Variants in SDK2 observed in about 807,000 individuals in gnomAD.
The protein encoded by SDK2 is sidekick cell adhesion molecule 2.
In SDK2, 105 loss-of-function variants were observed where a neutral mutation model predicts 253.9. The ratio of observed to expected loss-of-function variants is 0.41; its 90% CI spans 0.35 to 0.49. The LOEUF (loss-of-function observed/expected upper bound fraction) is 0.49. Among genes scored for constraint, SDK2 ranks in the 20% least tolerant of loss-of-function variants. The pLI, the probability that SDK2 is intolerant of heterozygous loss-of-function variation, is 0.06. For synonymous variants in SDK2, 1,249 were observed against 1,234.9 expected, an observed-to-expected ratio of 1.01 and a Z score of -0.24; for missense variants, 2,608 against 3,003.0, an observed-to-expected ratio of 0.87 and a Z score of 3.07.
intron 1 of SDK2, among the ~76,000 whole-genome samples, chr17:73,555,395 G>A (rs893229818): frequency 2.6e-5 from 4 of 152,214 alleles, no homozygotes; most frequent in African/African-American, 9.6e-5. Flanking sequence ...TGGCCTGGGG[G>A]AGGCGCCATT....
Position 73,629,792 on chromosome 17 carries a change from T to C in SDK2, c.64+14233A>G, listed in dbSNP as rs2046246335. On this transcript the variant is annotated intron_variant, in intron 1 of 44. Transcript: ENST00000392650. This position sits in a 1 kb window ranked among gnomAD's most constrained non-coding sequence, Gnocchi z 5.0. ...CACTTAGTATACAGATGGTGCTTAG[T>C]AAGTGCATGAGAAGCAAAAGAGGTT... is the stretch of plus-strand genomic sequence containing the variant. Among the ~76,000 whole-genome samples, 1 of 152,166 alleles carries C rather than the reference T, an allele frequency of 6.6e-6. No homozygotes were observed. Among genetic ancestry groups the C allele is most frequent in the Non-Finnish European group, 1.5e-5 (1 of 68,040 alleles).
At chr17:73,378,408 A>G (rs2062801651) in intron 36 of SDK2, among the ~76,000 whole-genome samples, 1 of 150,166 alleles carries the variant, frequency 6.7e-6, no homozygotes, top group Non-Finnish European at 1.5e-5. Flanking sequence ...AGCCCTAGAA[A>G]TGATTTTTAA....
chr17:73,630,527 C>T (rs59916138), intron 1 of SDK2, among the ~76,000 whole-genome samples: 3,528 of 145,138 alleles, frequency 0.024, 118 homozygotes, highest in African/African-American at 0.083. Flanking sequence ...GCCTAAGTGT[C>T]GTCCCTCTCT....
rs186203685 is a variant in SDK2 at position 73,395,400 on chromosome 17, G to A, written c.3355-8C>T. The A allele has an allele frequency of 3.6e-4, 574 of 1,610,832 alleles. 4 individuals carry two copies. In the Middle Eastern group the frequency reaches 3.8e-3, roughly 11 times the overall value. On this transcript the variant is annotated splice_polypyrimidine_tract_variant and splice_region_variant and intron_variant, in intron 24 of 44. Coordinates refer to ENST00000392650, the MANE Select transcript of SDK2 (RefSeq NM_001144952.2). The surrounding 1 kb of genome is among the most constrained non-coding windows in gnomAD (Gnocchi z 4.3). Reference sequence around the variant, plus strand: ...TTCCATCTCCGGGAGAGGCTGCAGCGGGGCAGGGGTGGCAAAGCTGCTATG... The same window carrying A: ...TTCCATCTCCGGGAGAGGCTGCAGCAGGGCAGGGGTGGCAAAGCTGCTATG...
chr17:73,611,148 G>C (rs953622635), intron 1 of SDK2, among the ~76,000 whole-genome samples: 7 of 152,224 alleles, frequency 4.6e-5, no homozygotes, highest in Non-Finnish European at 7.4e-5. Context: ...GGCTCACACA[G>C]CTCTGAGGGT....
At chr17:73,552,188 C>T (rs1567838619) in intron 1 of SDK2, among the ~76,000 whole-genome samples, 1 of 152,080 alleles carries the variant, frequency 6.6e-6, no homozygotes, top group Non-Finnish European at 1.5e-5. Flanking sequence ...AAAGAGAAAG[C>T]GAAACTCTCG....
chr17:73,498,716 A>C (rs763291890), intron 2 of SDK2, among the ~76,000 whole-genome samples: 1 of 152,216 alleles, frequency 6.6e-6, no homozygotes, highest in Non-Finnish European at 1.5e-5. Context: ...GAAGAACCGA[A>C]GTAAAAGTCG....
chr17:73,353,777 T>C (rs2346016), intron 40 of SDK2, among the ~76,000 whole-genome samples: 133,180 of 146,868 alleles, frequency 0.91, 61,828 homozygotes, highest in Non-Finnish European at 1. Flanking sequence ...CATCTCAGCT[T>C]ACCACAACCT....
chr17:73,415,741 G>T, intron 17 of SDK2, 70 bp downstream of exon 17: 1 of 1,354,250 alleles, frequency 7.4e-7, no homozygotes, highest in Non-Finnish European at 1.0e-6. Context: ...CTCCCGTCTT[G>T]GCGTCCCAAA....
At position 73,393,726 on chromosome 17, in the gene SDK2, C is replaced by T. The variant is rs770526832; in HGVS notation, c.3732G>A (p.Ser1244=). 69 of 1,582,532 alleles carry T rather than the reference C, an allele frequency of 4.4e-5. 2 individuals carry two copies. The highest frequency in any genetic ancestry group is 1.8e-4 in the South Asian group (16 of 87,376). ...GYKVMYKEKD[S]DTQPRFWLVE... is the part of the protein sequence containing the mutation. The stretch of plus-strand genomic sequence containing the variant: ...CCAGCCAGAATCGGGGCTGGGTGTC[C>T]GAGTCCTTCTCCTTATACATCACCT... The change falls in exon 27 of 45, where the codon TCG becomes TCA. Residue 1244 remains serine, a synonymous_variant. Coordinates refer to ENST00000392650, the MANE Select transcript of SDK2 (RefSeq NM_001144952.2).
chr17:73,564,588 G>A (rs2045284140), intron 1 of SDK2, among the ~76,000 whole-genome samples: 1 of 152,172 alleles, frequency 6.6e-6, no homozygotes, highest in Admixed American at 6.5e-5. Context: ...ACTTTGGGAG[G>A]TCGAGACAGG....
intron 40 of SDK2, chr17:73,357,708 C>T (rs970652693): frequency 2.1e-5 from 7 of 331,504 alleles, no homozygotes; most frequent in Non-Finnish European, 2.8e-5. Context: ...GACAGGGCTT[C>T]GAGAGGCAGC....
Position 73,627,687 on chromosome 17 carries a change from C to T in SDK2, c.64+16338G>A, listed in dbSNP as rs369064805. ...AGTAATTCCATTGCTGGGTCAGCCACGTTCCCAAATCGTACATCAGACAAT... is the reference window on the plus strand; with the variant it reads ...AGTAATTCCATTGCTGGGTCAGCCATGTTCCCAAATCGTACATCAGACAAT... On this transcript the variant is annotated intron_variant, in intron 1 of 44. Transcript: ENST00000392650. Among the ~76,000 whole-genome samples, 53 of 152,328 alleles carry T rather than the reference C, an allele frequency of 3.5e-4. No homozygotes were observed. In the South Asian group the frequency reaches 9.9e-3, roughly 29 times the overall value.
At chr17:73,427,643 A>G in intron 12 of SDK2, among the ~76,000 whole-genome samples, 1 of 9,426 alleles carries the variant, frequency 1.1e-4, no homozygotes. Context: ...ATCCACATGC[A>G]AAAAAAAAAA....
Position 73,450,618 on chromosome 17 carries a change from C to T in SDK2, c.480-2870G>A, listed in dbSNP as rs144168443. On this transcript the variant is annotated intron_variant, in intron 4 of 44. Coordinates refer to ENST00000392650, the MANE Select transcript of SDK2 (RefSeq NM_001144952.2). ...CTTTTGGTCTCCAAGAAGGCTCCCA[C>T]CTCCAATTTCATCTCTTTCTTGATC... 2.6e-5 allele frequency among the ~76,000 whole-genome samples: 4 copies of T among 152,330 alleles called. No individual in the cohort carries two copies. In the East Asian group the frequency reaches 7.7e-4, roughly 29 times the overall value.
At chr17:73,578,208 C>A (rs1196652214) in intron 1 of SDK2, among the ~76,000 whole-genome samples, 1 of 152,054 alleles carries the variant, frequency 6.6e-6, no homozygotes, top group Non-Finnish European at 1.5e-5. Flanking sequence ...TACAGGCACA[C>A]ACCACCATAC....
rs893349535 is a variant in SDK2 at position 73,496,854 on chromosome 17, C to T, written c.224+10584G>A. ...CCCATCCTCCCCCTCCTGAAGGTCACCAGACTTCTATGTCCCTAAATTGAG... is the reference window on the plus strand; with the variant it reads ...CCCATCCTCCCCCTCCTGAAGGTCATCAGACTTCTATGTCCCTAAATTGAG... On this transcript the variant is annotated intron_variant, in intron 2 of 44. Coordinates refer to ENST00000392650, the MANE Select transcript of SDK2 (RefSeq NM_001144952.2). This position sits in a 1 kb window ranked among gnomAD's most constrained non-coding sequence, Gnocchi z 4.7. 5.9e-5 allele frequency among the ~76,000 whole-genome samples: 9 copies of T among 152,150 alleles called. No individual in the cohort carries two copies. Among genetic ancestry groups the T allele is most frequent in the Admixed American group, 4.6e-4 (7 of 15,270 alleles).
chr17:73,638,806 C>CTT (rs1223522657), intron 1 of SDK2, among the ~76,000 whole-genome samples: 50,468 of 138,608 alleles, frequency 0.36, 9,145 homozygotes, highest in African/African-American at 0.44. Flanking sequence ...AGATAACAGT[C>CTT]TTTTTTTTTT....
At chr17:73,428,294 G>A (rs2063299554) in intron 12 of SDK2, among the ~76,000 whole-genome samples, 1 of 152,116 alleles carries the variant, frequency 6.6e-6, no homozygotes, top group Admixed American at 6.5e-5. Flanking sequence ...TCCATCTCCT[G>A]ACTTCATGAT....
Sources: gnomAD v4.1 joint callset for allele counts (sites outside exome capture counted in the v4.1 genomes callset) on GRCh38, gnomAD v4.1.1 for gene constraint, Gnocchi (gnomAD v3.1) non-coding constraint, MANE v1.5 for transcripts, NCBI Gene and HGNC (gene_info 2026-07-23, HGNC 2026-07-21) for gene names.